The following THADA variants were observed in gnomAD, a reference collection of about 807,000 sequenced individuals.
THADA encodes THADA armadillo repeat containing, also known as tRNA (32-2'-O)-methyltransferase regulator THADA.
A neutral mutation model predicts 219.8 loss-of-function variants in THADA; 213 were observed. The observed-to-expected ratio is 0.97, with a 90% confidence interval of 0.87 to 1.09. THADA has a LOEUF of 1.09. Among genes scored for constraint, THADA ranks in the 50% least tolerant of loss-of-function variants. THADA has a pLI of 0.00. For missense variants in THADA, 2,956 were observed against 2,311.3 expected, an observed-to-expected ratio of 1.28 and a Z score of -5.72; for synonymous variants, 1,018 against 828.9, an observed-to-expected ratio of 1.23 and a Z score of -3.92.
intron 12 of THADA, 134 bp from the exon 13 acceptor site, chr2:43,571,996 G>A: frequency 2.9e-6 from 2 of 699,336 alleles, no homozygotes; most frequent in Non-Finnish European, 4.7e-6. Flanking sequence ...CCTCAGAAAG[G>A]TTTCCTAATC....
At chr2:43,564,323 A>C (rs1698419525) in intron 15 of THADA, 1 of 152,232 alleles carries the variant, frequency 6.6e-6, no homozygotes, top group Non-Finnish European at 1.5e-5. Context: ...TTCAAAATCA[A>C]GGTGTCAGTA....
intron 36 of THADA, among the ~76,000 whole-genome samples, chr2:43,265,377 C>T (rs1171534172): frequency 6.6e-6 from 1 of 152,196 alleles, no homozygotes; most frequent in African/African-American, 2.4e-5. Flanking sequence ...GCCTCAATCA[C>T]TCTGCTGATT....
chr2:43,395,954 G>A (rs917491305), intron 29 of THADA, among the ~76,000 whole-genome samples: 17 of 152,150 alleles, frequency 1.1e-4, no homozygotes, highest in South Asian at 8.3e-4. Context: ...ATGGAGTTTC[G>A]CCATGTTGGC....
At chr2:43,372,999 TAA>T in intron 29 of THADA, among the ~76,000 whole-genome samples, 1 of 152,248 alleles carries the variant, frequency 6.6e-6, no homozygotes, top group Non-Finnish European at 1.5e-5. Flanking sequence ...CCAAGTCTAG[TAA>T]GTATTTAAAC....
intron 28 of THADA, among the ~76,000 whole-genome samples, chr2:43,404,153 GA>G (rs1675232214): frequency 6.6e-6 from 1 of 152,024 alleles, no homozygotes; most frequent in South Asian, 2.1e-4. Flanking sequence ...CTCTTGTAAT[GA>G]AGAGGGGAAC....
intron 21 of THADA, among the ~76,000 whole-genome samples, chr2:43,530,904 T>C (rs1446594039): frequency 6.6e-6 from 1 of 152,240 alleles, no homozygotes; most frequent in Non-Finnish European, 1.5e-5. Flanking sequence ...AGGACAAAAC[T>C]GAGATATAGG....
At chr2:43,584,490 G>T (rs1700801420) in intron 7 of THADA, among the ~76,000 whole-genome samples, 1 of 152,202 alleles carries the variant, frequency 6.6e-6, no homozygotes, top group Non-Finnish European at 1.5e-5. Context: ...AAGAGCTCCT[G>T]CTGTGGAAAA....
intron 31 of THADA, among the ~76,000 whole-genome samples, chr2:43,301,692 T>C (rs1676283110): frequency 6.6e-6 from 1 of 152,188 alleles, no homozygotes; most frequent in African/African-American, 2.4e-5. Context: ...CTGAGAGCTT[T>C]AGAAAAATAC....
At chr2:43,421,628 T>A (rs926863715) in intron 28 of THADA, among the ~76,000 whole-genome samples, 1 of 152,236 alleles carries the variant, frequency 6.6e-6, no homozygotes, top group Non-Finnish European at 1.5e-5. Flanking sequence ...ACTCAGATGT[T>A]CTTTTGCTTG....
At chr2:43,534,937 G>C (rs760901917) in intron 21 of THADA, among the ~76,000 whole-genome samples, 1 of 152,070 alleles carries the variant, frequency 6.6e-6, no homozygotes, top group Non-Finnish European at 1.5e-5. Flanking sequence ...CTCCACAGTA[G>C]CTATACTAGT....
chr2:43,356,452 T>C (rs1156296922), intron 29 of THADA, among the ~76,000 whole-genome samples: 1 of 152,086 alleles, frequency 6.6e-6, no homozygotes, highest in Non-Finnish European at 1.5e-5. Flanking sequence ...ACATAAAAAC[T>C]GAAAACTTTT....
Position 43,398,130 on chromosome 2 carries a change from G to A in THADA, c.4068C>T (p.His1356=). Residue 1356 remains histidine (H), a synonymous_variant, in exon 29 of 38, where the codon CAC becomes CAT. Coordinates refer to ENST00000405975, the MANE Select transcript of THADA (RefSeq NM_022065.5). The stretch of plus-strand genomic sequence containing the variant: ...TTTCACGGGAGTGGTAGACAGGTGA[G>A]TGACCACACCTGGGGAGAAATAAAA... ...PFVPFIMRCG[H]SPVYHSREMA... is the part of the protein sequence containing the mutation. The A allele has an allele frequency of 6.2e-7, 1 of 1,613,860 alleles. No homozygotes were observed.
At chr2:43,425,861 C>G (rs11124936) in intron 28 of THADA, among the ~76,000 whole-genome samples, 48,618 of 152,032 alleles carry the variant, frequency 0.32, 8,113 homozygotes, top group Non-Finnish European at 0.37. Context: ...TACAGAGCTA[C>G]AATTTGAACC....
intron 25 of THADA, among the ~76,000 whole-genome samples, chr2:43,494,404 G>T (rs1688018240): frequency 6.6e-6 from 1 of 152,146 alleles, no homozygotes; most frequent in Admixed American, 6.5e-5. Context: ...TTTACTTCCA[G>T]CTCTGTTTAA....
At chr2:43,234,421 C>T (rs1667788266) in intron 36 of THADA, among the ~76,000 whole-genome samples, 1 of 152,150 alleles carries the variant, frequency 6.6e-6, no homozygotes, top group Admixed American at 6.5e-5. Context: ...TTAGTGTCCC[C>T]GTTCCCCATG....
chr2:43,313,519 G>T (rs191353053), intron 31 of THADA, among the ~76,000 whole-genome samples: 72 of 152,368 alleles, frequency 4.7e-4, no homozygotes, highest in African/African-American at 1.7e-3. Flanking sequence ...GTATTAGGAA[G>T]TGTTTTGTGC....
chr2:43,558,918 C>A (rs987511197), intron 16 of THADA, among the ~76,000 whole-genome samples: 9 of 152,122 alleles, frequency 5.9e-5, no homozygotes, highest in Non-Finnish European at 8.8e-5. Flanking sequence ...TACTAAATTT[C>A]TTGAATTCTA....
chr2:43,320,201 C>G (rs1434887656), intron 31 of THADA, among the ~76,000 whole-genome samples: 1 of 152,194 alleles, frequency 6.6e-6, no homozygotes, highest in Non-Finnish European at 1.5e-5. Flanking sequence ...GAGAGGGTAT[C>G]TGAGTAGAGT....
At position 43,557,635 on chromosome 2, in the gene THADA, G is replaced by T. The variant is rs1431177066; in HGVS notation, c.2464-1080C>A. Among the ~76,000 whole-genome samples the T allele has an allele frequency of 2.0e-5, 3 of 152,188 alleles. No individual in the cohort carries two copies. In the East Asian group the frequency reaches 5.8e-4, roughly 29 times the overall value. On this transcript the variant is annotated intron_variant, in intron 16 of 37. Transcript: ENST00000405975. Reference sequence around the variant, plus strand: ...AAGGACAGTTTGCTGTTGTAGTCATGGAAAGGCACTGGGCTGACAACAGAA... The same window carrying T: ...AAGGACAGTTTGCTGTTGTAGTCATTGAAAGGCACTGGGCTGACAACAGAA...
Sources: allele counts gnomAD v4.1 joint callset (sites outside exome capture counted in the v4.1 genomes callset), GRCh38; gene constraint gnomAD v4.1.1; transcripts MANE v1.5; gene names NCBI Gene and HGNC (gene_info 2026-07-23, HGNC 2026-07-21).